GRM7: variants seen among roughly 807,000 people sequenced by gnomAD.
The protein encoded by GRM7 is glutamate metabotropic receptor 7.
GRM7 carries 35 observed loss-of-function variants against 84.5 expected under a neutral mutation model. The ratio of observed to expected loss-of-function variants is 0.41; its 90% CI spans 0.32 to 0.55. The LOEUF (loss-of-function observed/expected upper bound fraction) is 0.55, where lower values mean the gene tolerates loss of function less well. GRM7 is among the 20% of genes least tolerant of loss of function. GRM7 has a pLI of 0.19. For synonymous variants in GRM7, 487 were observed against 455.1 expected (o/e 1.07, Z -0.89); for missense variants, 1,003 against 1,194.6 (o/e 0.84, Z 2.36).
intron 1 of GRM7, among the ~76,000 whole-genome samples, chr3:6,945,790 G>A (rs1030303821): frequency 6.6e-6 from 1 of 152,162 alleles, no homozygotes; most frequent in Non-Finnish European, 1.5e-5. Flanking sequence ...TTGTGGTTTT[G>A]ATTTGCATTT....
intron 9 of GRM7, among the ~76,000 whole-genome samples, chr3:7,707,297 C>T (rs570849271): frequency 6.6e-6 from 1 of 152,242 alleles, no homozygotes; most frequent in Non-Finnish European, 1.5e-5. Context: ...AGCATTTTAA[C>T]CTTTCTCCAT....
At chr3:6,993,238 T>C (rs1694711285) in intron 1 of GRM7, among the ~76,000 whole-genome samples, 1 of 152,102 alleles carries the variant, frequency 6.6e-6, no homozygotes, top group East Asian at 1.9e-4. Flanking sequence ...TTCAATTACC[T>C]CACACCAGGT....
chr3:6,943,990 A>G (rs1697975750), intron 1 of GRM7, among the ~76,000 whole-genome samples: 1 of 152,102 alleles, frequency 6.6e-6, no homozygotes, highest in Non-Finnish European at 1.5e-5. Context: ...TTTCTAGCAT[A>G]TAGAAATATT....
At chr3:7,186,856 A>C (rs1695532623) in intron 2 of GRM7, among the ~76,000 whole-genome samples, 1 of 152,198 alleles carries the variant, frequency 6.6e-6, no homozygotes, top group Non-Finnish European at 1.5e-5. Flanking sequence ...TACAATTACA[A>C]ATAAGGTTTT....
intron 4 of GRM7, among the ~76,000 whole-genome samples, chr3:7,375,287 C>T (rs563918950): frequency 1.7e-4 from 25 of 145,666 alleles, no homozygotes; most frequent in African/African-American, 6.2e-4. Context: ...AGTATGATCT[C>T]GGCTCACCGC....
At chr3:7,155,866 T>G (rs1367059307) in intron 2 of GRM7, among the ~76,000 whole-genome samples, 1 of 152,196 alleles carries the variant, frequency 6.6e-6, no homozygotes, top group East Asian at 1.9e-4. Flanking sequence ...TAGTTTGACC[T>G]TGCGTAGCTC....
intron 7 of GRM7, among the ~76,000 whole-genome samples, chr3:7,487,280 A>C (rs1699356668): frequency 6.6e-6 from 1 of 152,212 alleles, no homozygotes; most frequent in Non-Finnish European, 1.5e-5. Flanking sequence ...GCAGAGTCTG[A>C]AAATTTGGAA....
chr3:7,330,446 C>T (rs529907357), intron 4 of GRM7, among the ~76,000 whole-genome samples: 1 of 152,120 alleles, frequency 6.6e-6, no homozygotes, highest in African/African-American at 2.4e-5. Context: ...CCTTTCTTTC[C>T]CTTTTTAATG....
chr3:7,665,327 G>A (rs866295368), intron 8 of GRM7, among the ~76,000 whole-genome samples: 74 of 151,354 alleles, frequency 4.9e-4, no homozygotes, highest in African/African-American at 1.8e-3. Context: ...GCCCGCCACC[G>A]CACCCGGCTA....
intron 1 of GRM7, among the ~76,000 whole-genome samples, chr3:6,965,532 A>T (rs1239797301): frequency 6.6e-6 from 1 of 151,634 alleles, no homozygotes; most frequent in Non-Finnish European, 1.5e-5. Flanking sequence ...TGGGGGTCTC[A>T]CTATGTTGCC....
intron 8 of GRM7, among the ~76,000 whole-genome samples, chr3:7,676,871 T>C (rs1700142175): frequency 6.6e-6 from 1 of 152,168 alleles, no homozygotes; most frequent in African/African-American, 2.4e-5. Flanking sequence ...CACCAAGATT[T>C]GTGTCAGTAC....
At chr3:7,276,233 GTGTGTGTGTGTGTGTGTA>G (rs1699050343) in intron 2 of GRM7, among the ~76,000 whole-genome samples, 1 of 151,150 alleles carries the variant, frequency 6.6e-6, no homozygotes, top group Admixed American at 6.6e-5. Flanking sequence ...GTGTGTGTGT[GTGTGTGTGTGTGTGTGTA>G]TATATAATTG....
In GRM7 at chr3:7,003,421, A is replaced by T. The variant is rs338093; in HGVS notation, c.519+141514A>T. ...ATAGGTATTTTTTTGTAAAAAAAAA[A>T]AGTTTTAATGCTCTATAAGGAGCGC... On this transcript the variant is annotated intron_variant, in intron 1 of 9. Coordinates refer to ENST00000357716, the MANE Select transcript of GRM7 (RefSeq NM_000844.4). 6.2e-3 allele frequency among the ~76,000 whole-genome samples: 947 copies of T among 152,240 alleles called. 8 individuals carry two copies. Among genetic ancestry groups the T allele is most frequent in the East Asian group, 0.031 (159 of 5,190 alleles).
At chr3:7,384,816 A>G (rs1694722737) in intron 4 of GRM7, among the ~76,000 whole-genome samples, 2 of 152,194 alleles carry the variant, frequency 1.3e-5, no homozygotes, top group East Asian at 1.9e-4. Context: ...AGCTTTTACA[A>G]GGGCATCTAT....
intron 4 of GRM7, among the ~76,000 whole-genome samples, chr3:7,396,636 A>G (rs2125151093): frequency 6.6e-6 from 1 of 152,198 alleles, no homozygotes; most frequent in Admixed American, 6.5e-5. Flanking sequence ...AAGACTGGAA[A>G]TGTAGTTATT....
At chr3:7,360,677 A>G (rs1028853975) in intron 4 of GRM7, among the ~76,000 whole-genome samples, 4 of 152,132 alleles carry the variant, frequency 2.6e-5, no homozygotes, top group African/African-American at 9.7e-5. Context: ...TTTGGACTGT[A>G]TTTCAGGCTG....
At chr3:7,135,325 A>G (rs1559462887) in intron 1 of GRM7, among the ~76,000 whole-genome samples, 1 of 152,186 alleles carries the variant, frequency 6.6e-6, no homozygotes, top group African/African-American at 2.4e-5. Flanking sequence ...GATCCATATC[A>G]ATAAAGCTTA....
intron 1 of GRM7, among the ~76,000 whole-genome samples, chr3:6,992,124 G>T: frequency 6.6e-6 from 1 of 152,178 alleles, no homozygotes; most frequent in East Asian, 1.9e-4. Flanking sequence ...TAGGCTGAGG[G>T]TGCTGTAATC....
intron 8 of GRM7, among the ~76,000 whole-genome samples, chr3:7,608,353 C>A (rs1696691037): frequency 6.6e-6 from 1 of 152,106 alleles, no homozygotes; most frequent in African/African-American, 2.4e-5. Flanking sequence ...AGTATATAAG[C>A]ATTCCTTTAT....
Sources: allele counts gnomAD v4.1 joint callset (sites outside exome capture counted in the v4.1 genomes callset), GRCh38; gene constraint gnomAD v4.1.1; transcripts MANE v1.5; gene names NCBI Gene and HGNC (gene_info 2026-07-23, HGNC 2026-07-21).